THOC2: variants seen among roughly 807,000 people sequenced by gnomAD.
THOC2 encodes the protein THO complex subunit 2, also known as THO complex 2.
A neutral mutation model predicts 128.4 loss-of-function variants in THOC2; 10 were observed. The ratio of observed to expected loss-of-function variants is 0.08; its 90% CI spans 0.05 to 0.13. The LOEUF (loss-of-function observed/expected upper bound fraction) is 0.13. THOC2 is among the 10% of genes least tolerant of loss of function. THOC2 has a pLI of 1.00. For missense variants in THOC2, 535 were observed against 1,155.7 expected (o/e 0.46, Z 7.79); for synonymous variants, 393 against 396.9 (o/e 0.99, Z 0.12).
chrX:123,694,193 G>A (rs1304600184), intron 7 of THOC2, among the ~76,000 whole-genome samples: 2 of 110,931 alleles, frequency 1.8e-5, no homozygotes, highest in Non-Finnish European at 3.8e-5. Flanking sequence ...GAATTTTTAT[G>A]TGGGGAATAC....
chrX:123,685,259 C>T (rs1391018724), intron 8 of THOC2, among the ~76,000 whole-genome samples: 1 of 112,025 alleles, frequency 8.9e-6, no homozygotes, highest in Non-Finnish European at 1.9e-5. Context: ...TTCACCTGCC[C>T]TATATGGTTT....
chrX:123,681,316 A>G (rs2049770365), intron 8 of THOC2, among the ~76,000 whole-genome samples: 1 of 104,975 alleles, frequency 9.5e-6, no homozygotes. Flanking sequence ...GAAACTGGAT[A>G]TTCCCAGGCT....
At chrX:123,705,388 C>T (rs1038636434) in intron 3 of THOC2, among the ~76,000 whole-genome samples, 11 of 111,523 alleles carry the variant, frequency 9.9e-5, no homozygotes, top group Non-Finnish European at 2.1e-4. Context: ...CAGATTTTAG[C>T]CTCAAATTTC....
intron 8 of THOC2, among the ~76,000 whole-genome samples, chrX:123,685,750 A>G (rs1226428167): frequency 8.9e-6 from 1 of 111,897 alleles, no homozygotes; most frequent in Non-Finnish European, 1.9e-5. Context: ...AGCAACAATA[A>G]CAATAATATG....
chrX:123,639,136 AATT>A, intron 16 of THOC2, 109 bp from the exon 17 acceptor site: 1 of 346,930 alleles, frequency 2.9e-6, no homozygotes, highest in Non-Finnish European at 5.2e-6. Flanking sequence ...TAATGCTTAT[AATT>A]AAAGTGGTTT....
intron 13 of THOC2, 109 bp from the exon 14 acceptor site, chrX:123,645,018 A>G (rs1603264969): frequency 1.6e-6 from 1 of 643,356 alleles, no homozygotes; most frequent in East Asian, 3.5e-5. Context: ...AACATAACAC[A>G]CAATATCCCA....
At chrX:123,718,674 G>A (rs958754932) in intron 1 of THOC2, among the ~76,000 whole-genome samples, 34 of 109,692 alleles carry the variant, frequency 3.1e-4, no homozygotes, top group African/African-American at 1.0e-3. Context: ...CAGGAGAATC[G>A]CTTGGATCCA....
chrX:123,624,595 G>C lies in THOC2; in HGVS notation c.3132C>G (p.Cys1044Trp). The C allele has an allele frequency of 8.3e-7, 1 of 1,209,659 alleles. No homozygotes were observed. Among genetic ancestry groups the C allele is most frequent in the Non-Finnish European group, 1.1e-6 (1 of 893,962 alleles). ...ACCTGGTCACAGTCTCTAACATGCAGCAAAGAAACCTTCCGTATCGACTGG... is the reference window on the plus strand; with the variant it reads ...ACCTGGTCACAGTCTCTAACATGCACCAAAGAAACCTTCCGTATCGACTGG... Reference protein sequence around the residue: ...NEASRYGRFLCCMLETVTRWH... With the variant: ...NEASRYGRFLWCMLETVTRWH... The change falls in exon 26 of 39, where the codon TGC (cysteine) becomes TGG (tryptophan). Residue 1044 changes from cysteine to tryptophan, a missense_variant. By Grantham distance (215) the Cys-to-Trp change is radical (BLOSUM62 -2). Transcript: ENST00000245838.
chrX:123,700,119 C>T (rs1160822759), intron 4 of THOC2, among the ~76,000 whole-genome samples: 1 of 110,669 alleles, frequency 9.0e-6, no homozygotes, highest in Non-Finnish European at 1.9e-5. Flanking sequence ...CTACCCCAGC[C>T]CAGAGGCCCC....
chrX:123,609,047 T>C (rs752755849), intron 38 of THOC2, among the ~76,000 whole-genome samples: 9 of 112,239 alleles, frequency 8.0e-5, no homozygotes, highest in African/African-American at 9.7e-5. Flanking sequence ...GAATAATATT[T>C]GGGTACTGAG....
intron 1 of THOC2, among the ~76,000 whole-genome samples, chrX:123,716,074 A>C (rs2051404226): frequency 9.0e-6 from 1 of 111,621 alleles, no homozygotes; most frequent in African/African-American, 3.3e-5. Context: ...AATCCTCAAC[A>C]AACACCAGCA....
At chrX:123,702,539 T>C (rs1468710204) in intron 4 of THOC2, among the ~76,000 whole-genome samples, 1 of 105,397 alleles carries the variant, frequency 9.5e-6, no homozygotes, top group Non-Finnish European at 1.9e-5. Context: ...ATTACATACA[T>C]ACATATATAA....
intron 1 of THOC2, among the ~76,000 whole-genome samples, chrX:123,720,496 G>A (rs1014086540): frequency 3.6e-5 from 4 of 111,658 alleles, no homozygotes; most frequent in African/African-American, 1.3e-4. Context: ...ATGAAAAACA[G>A]TATAGAGATT....
chrX:123,697,157 C>T (rs1419793448), intron 5 of THOC2, among the ~76,000 whole-genome samples: 1 of 111,862 alleles, frequency 8.9e-6, no homozygotes, highest in East Asian at 2.8e-4. Context: ...CCTAATACAG[C>T]ACTTAATAGC....
intron 1 of THOC2, among the ~76,000 whole-genome samples, chrX:123,725,360 G>A (rs1342524632): frequency 1.0e-5 from 1 of 100,249 alleles, no homozygotes; most frequent in Non-Finnish European, 2.0e-5. Context: ...GAAGTGGGAG[G>A]ATCACTTGAG....
intron 8 of THOC2, among the ~76,000 whole-genome samples, chrX:123,681,046 A>C (rs2049754841): frequency 9.0e-6 from 1 of 111,125 alleles, no homozygotes. Flanking sequence ...GCTATTAAAG[A>C]AACTCCTTAC....
chrX:123,624,267 C>G, intron 26 of THOC2, 76 bp from the exon 27 acceptor site: 1 of 965,071 alleles, frequency 1.0e-6, no homozygotes, highest in Non-Finnish European at 1.4e-6. Context: ...CTTAAGTAGA[C>G]TAGATCAATG....
intron 12 of THOC2, among the ~76,000 whole-genome samples, chrX:123,658,717 G>C (rs2048707030): frequency 8.9e-6 from 1 of 112,160 alleles, no homozygotes; most frequent in South Asian, 3.7e-4. Context: ...TAAATGAGCA[G>C]AGCACAGAGG....
rs1344247533 is a variant in THOC2 at position 123,600,964 on chromosome X, C to G, written c.*393G>C. ...ATGAGGTAAAATCAAAAGGGTTCAA[C>G]AATTGTTTATTTTCAGTTTCAAACA... On this transcript the variant is annotated 3_prime_UTR_variant, in exon 39 of 39. Coordinates refer to ENST00000245838, the MANE Select transcript of THOC2 (RefSeq NM_001081550.2). The G allele has an allele frequency of 8.9e-6, 1 of 112,189 alleles. No homozygotes were observed. Among genetic ancestry groups the G allele is most frequent in the African/African-American group, 3.2e-5 (1 of 30,839 alleles). The allele number at this position is 112,189 out of a possible 1,213,427, so 9.2% of individuals were successfully genotyped here.
Sources: allele counts gnomAD v4.1 joint callset (sites outside exome capture counted in the v4.1 genomes callset), GRCh38; gene constraint gnomAD v4.1.1; transcripts MANE v1.5; gene names NCBI Gene and HGNC (gene_info 2026-07-23, HGNC 2026-07-21).